EIF2AK2: variants seen among roughly 807,000 people sequenced by gnomAD.
EIF2AK2 encodes the protein interferon-induced, double-stranded RNA-activated protein kinase.
A neutral mutation model predicts 70.5 loss-of-function variants in EIF2AK2; 40 were observed. The ratio of observed to expected loss-of-function variants is 0.57; its 90% CI spans 0.44 to 0.74. The LOEUF (loss-of-function observed/expected upper bound fraction) is 0.74, where lower values mean the gene tolerates loss of function less well. Among genes scored for constraint, EIF2AK2 ranks in the 30% least tolerant of loss-of-function variants. EIF2AK2 has a pLI of 0.00. For missense variants in EIF2AK2, 555 were observed against 644.3 expected (o/e 0.86, Z 1.50); for synonymous variants, 198 against 220.9 (o/e 0.90, Z 0.92).
intron 12 of EIF2AK2, among the ~76,000 whole-genome samples, chr2:37,121,276 A>AC (rs1321126961): frequency 6.6e-6 from 1 of 151,314 alleles, no homozygotes; most frequent in Non-Finnish European, 1.5e-5. Context: ...AAAAAAAAAA[A>AC]AAAAAAAAAC....
At chr2:37,137,138 C>T in intron 8 of EIF2AK2, 121 bp from the exon 9 acceptor site, 1 of 722,096 alleles carries the variant, frequency 1.4e-6, no homozygotes. Context: ...CCATCAATGT[C>T]TGTACTCTCA....
intron 4 of EIF2AK2, among the ~76,000 whole-genome samples, chr2:37,144,135 C>T (rs760319890): frequency 3.3e-5 from 5 of 152,080 alleles, no homozygotes; most frequent in African/African-American, 4.8e-5. Context: ...GACAGCATTT[C>T]GCCATATTGC....
rs34203821 is a variant in EIF2AK2, at chr2:37,107,042, T to TA, written c.*230dup. 216,126 of 307,604 alleles carry TA rather than the reference T, an allele frequency of 0.7. 64,912 individuals carry two copies. Among genetic ancestry groups the TA allele is most frequent in the Admixed American group, 0.84 (16,244 of 19,316 alleles). The allele number at this position is 307,604 out of a possible 1,614,324, so 19.1% of individuals were successfully genotyped here. A position where few individuals can be genotyped will look rare whatever the true frequency, so the allele number is the denominator to read the frequency against. ...GGGCAACAGAGCGAGACTCTGTCTT[T>TA]AAAAAAAAAAAAAGAATAAAGAGAT... On this transcript the variant is annotated 3_prime_UTR_variant, in exon 17 of 17. Transcript: ENST00000233057.
intron 10 of EIF2AK2, among the ~76,000 whole-genome samples, chr2:37,133,835 T>C (rs1304994554): frequency 6.6e-6 from 1 of 152,184 alleles, no homozygotes; most frequent in Admixed American, 6.5e-5. Flanking sequence ...CTCCTTACTA[T>C]TCCACGGGAT....
intron 10 of EIF2AK2, among the ~76,000 whole-genome samples, chr2:37,127,091 G>C (rs1054079454): frequency 1.3e-5 from 2 of 148,634 alleles, no homozygotes; most frequent in African/African-American, 5.0e-5. Context: ...TTTTATAAGA[G>C]AAATGGGCAT....
At chr2:37,107,950 A>AG (rs1674019856) in intron 15 of EIF2AK2, among the ~76,000 whole-genome samples, 1 of 152,110 alleles carries the variant, frequency 6.6e-6, no homozygotes, top group South Asian at 2.1e-4. Flanking sequence ...GTTCGAGACC[A>AG]GCCTGACCAA....
At position 37,104,287 on chromosome 2, in the gene EIF2AK2, T is replaced by C. The variant is rs965438158; in HGVS notation, c.*2986A>G. 1.3e-5 allele frequency: 2 copies of C among 151,946 alleles called. No homozygotes were observed. The highest frequency in any genetic ancestry group is 2.4e-5 in the African/African-American group (1 of 41,348). 9.4% of individuals were successfully genotyped at this position (151,946 alleles called of 1,614,324 possible). On this transcript the variant is annotated 3_prime_UTR_variant, in exon 17 of 17. Transcript: ENST00000233057. ...AATGTTCTCAATTGTCCCGAAGATA[T>C]CTTTATAGCTGTTTGCTGGGTTGTT...
At chr2:37,108,896 A>G (rs1290139158) in intron 15 of EIF2AK2, among the ~76,000 whole-genome samples, 1 of 152,156 alleles carries the variant, frequency 6.6e-6, no homozygotes, top group Non-Finnish European at 1.5e-5. Context: ...CAACCCTTAC[A>G]GCACTTAGCA....
chr2:37,117,845 G>A (rs1674398749), intron 13 of EIF2AK2, among the ~76,000 whole-genome samples: 1 of 152,138 alleles, frequency 6.6e-6, no homozygotes, highest in South Asian at 2.1e-4. Context: ...TTGTAAGAGG[G>A]GCTGTGTTAG....
chr2:37,120,291 G>A (rs1573007620), intron 12 of EIF2AK2, 152 bp from the exon 13 acceptor site: 4 of 423,606 alleles, frequency 9.4e-6, no homozygotes, highest in Admixed American at 9.6e-5. Flanking sequence ...GCCGAGGCGG[G>A]CGGATCACGA....
Position 37,099,410 on chromosome 2 carries a change from C to G in EIF2AK2, c.*7863G>C, listed in dbSNP as rs1673769059. On this transcript the variant is annotated 3_prime_UTR_variant, in exon 17 of 17. Transcript: ENST00000233057. The stretch of plus-strand genomic sequence containing the variant: ...GAAGAACAGCTTGTCCCCACTCTTA[C>G]AGTGTAATGAAATTAGCAGTATAAT... 1 of 152,182 alleles carries G rather than the reference C, an allele frequency of 6.6e-6. No individual in the cohort carries two copies. Among genetic ancestry groups the G allele is most frequent in the South Asian group, 2.1e-4 (1 of 4,830 alleles). The allele number at this position is 152,182 out of a possible 1,614,324, so 9.4% of individuals were successfully genotyped here.
intron 14 of EIF2AK2, among the ~76,000 whole-genome samples, chr2:37,112,177 C>T (rs1237475902): frequency 2.0e-5 from 3 of 151,928 alleles, no homozygotes; most frequent in South Asian, 2.1e-4. Flanking sequence ...GCCTTGAGGA[C>T]GGCAGTGACT....
At chr2:37,127,813 G>A (rs887614266) in intron 10 of EIF2AK2, among the ~76,000 whole-genome samples, 3 of 148,328 alleles carry the variant, frequency 2.0e-5, no homozygotes, top group Non-Finnish European at 4.4e-5. Context: ...TGCGATCTCC[G>A]CTCACTGCAA....
intron 11 of EIF2AK2, among the ~76,000 whole-genome samples, chr2:37,125,826 C>A (rs1239519147): frequency 2.0e-5 from 3 of 152,184 alleles, no homozygotes; most frequent in Admixed American, 1.3e-4. Context: ...TATACAATAA[C>A]AGACAACCAG....
At chr2:37,148,411 C>G in intron 2 of EIF2AK2, 1 of 344,432 alleles carries the variant, frequency 2.9e-6, no homozygotes, top group African/African-American at 2.1e-5. Context: ...GGCAAGTGTG[C>G]CTGTGTGGAC....
At chr2:37,121,079 C>T (rs568789325) in intron 12 of EIF2AK2, among the ~76,000 whole-genome samples, 11 of 147,638 alleles carry the variant, frequency 7.5e-5, no homozygotes, top group African/African-American at 2.5e-4. Flanking sequence ...CTGGCTAACA[C>T]GGTGAAATCC....
intron 1 of EIF2AK2, among the ~76,000 whole-genome samples, chr2:37,151,337 T>G (rs985321282): frequency 6.6e-6 from 1 of 151,928 alleles, no homozygotes; most frequent in African/African-American, 2.4e-5. Flanking sequence ...AATAAGCACA[T>G]GAAAAGATAC....
In EIF2AK2 at chr2:37,120,118, G is replaced by A; in HGVS notation, c.1089C>T (p.Phe363=). 1 of 1,465,940 alleles carries A rather than the reference G, an allele frequency of 6.8e-7. No individual in the cohort carries two copies. The highest frequency in any genetic ancestry group is 1.6e-5 in the South Asian group (1 of 62,378). 90.8% of individuals were successfully genotyped at this position (1,465,940 alleles called of 1,614,324 possible). A position where few individuals can be genotyped will look rare whatever the true frequency, so the allele number is the denominator to read the frequency against. Residue 363 remains phenylalanine (F), a synonymous_variant, in exon 13 of 17, where the codon TTC becomes TTT. Transcript: ENST00000233057. ...NSSRSKTKCL[F]IQMEFCDKGT... is the part of the protein sequence containing the mutation. Reference sequence around the variant, plus strand: ...CTTTATCACAGAATTCCATTTGGATGAAAAGGCACTTAGTCTTTGACCTGG... The same window carrying A: ...CTTTATCACAGAATTCCATTTGGATAAAAAGGCACTTAGTCTTTGACCTGG...
intron 4 of EIF2AK2, among the ~76,000 whole-genome samples, chr2:37,146,641 T>TA (rs1675548817): frequency 6.6e-6 from 1 of 152,236 alleles, no homozygotes; most frequent in Non-Finnish European, 1.5e-5. Flanking sequence ...ACACTCTAAA[T>TA]AACTATTATC....
Sources: gnomAD v4.1 joint callset for allele counts (sites outside exome capture counted in the v4.1 genomes callset) on GRCh38, gnomAD v4.1.1 for gene constraint, MANE v1.5 for transcripts, NCBI Gene and HGNC (gene_info 2026-07-23, HGNC 2026-07-21) for gene names.